Variants in LRRC40 observed in about 807,000 individuals in gnomAD.
LRRC40 encodes leucine rich repeat containing 40, also known as leucine-rich repeat-containing protein 40.
In LRRC40, 76 loss-of-function variants were observed where a neutral mutation model predicts 72.8. That is an observed-to-expected ratio of 1.04 (90% CI 0.87 to 1.26). The LOEUF is 1.26. Ranked by LOEUF, LRRC40 falls within the 50% of genes most tolerant of loss-of-function variation. The probability of loss-of-function intolerance (pLI) is 0.00; values close to 1 mark genes in which losing one functional copy is unlikely to be tolerated. For missense variants in LRRC40, 684 were observed against 698.9 expected, an observed-to-expected ratio of 0.98 and a Z score of 0.24; for synonymous variants, 243 against 254.2, an observed-to-expected ratio of 0.96 and a Z score of 0.42.
chr1:70,198,504 C>G (rs148894597), intron 1 of LRRC40, among the ~76,000 whole-genome samples: 62 of 152,158 alleles, frequency 4.1e-4, no homozygotes, highest in African/African-American at 1.5e-3. Context: ...TTATCTAGTC[C>G]GACGAAAAAG....
intron 9 of LRRC40, among the ~76,000 whole-genome samples, chr1:70,161,100 TTTTC>T (rs1325550364): frequency 6.6e-6 from 1 of 151,604 alleles, no homozygotes; most frequent in East Asian, 2.0e-4. Context: ...TTTTTTTTTT[TTTTC>T]TGAGAGGGAG....
chr1:70,174,273 G>T (rs963298472), intron 7 of LRRC40, among the ~76,000 whole-genome samples: 3 of 151,952 alleles, frequency 2.0e-5, no homozygotes, highest in African/African-American at 7.2e-5. Flanking sequence ...CAAGATTCTT[G>T]TTCTCAAGTC....
chr1:70,194,313 AT>A (rs1176678182), intron 1 of LRRC40, among the ~76,000 whole-genome samples: 4 of 152,076 alleles, frequency 2.6e-5, no homozygotes, highest in Non-Finnish European at 5.9e-5. Flanking sequence ...AAATAAAAAA[AT>A]GTTTAAATGT....
chr1:70,161,637 G>A (rs1051284542), intron 9 of LRRC40, among the ~76,000 whole-genome samples: 1 of 151,928 alleles, frequency 6.6e-6, no homozygotes, highest in African/African-American at 2.4e-5. Flanking sequence ...TTAGTTGAAC[G>A]AGTGTCACCT....
chr1:70,147,359 T>A (rs1667333391), intron 14 of LRRC40, among the ~76,000 whole-genome samples: 1 of 152,222 alleles, frequency 6.6e-6, no homozygotes, highest in African/African-American at 2.4e-5. Flanking sequence ...AAGTACTGTC[T>A]AGTCTTCCTA....
In LRRC40 at chr1:70,201,978, AAAAATAAAAT is replaced by A. The variant is rs376921368; in HGVS notation, c.151+3402_151+3411del. Reference sequence around the variant, plus strand: ...GGCAACAAGAGCAAAACTCCGTCTCAAAAATAAAATAAAATAAAATAAAATAACGAAATAC... The same window carrying A: ...GGCAACAAGAGCAAAACTCCGTCTCAAAAATAAAATAAAATAACGAAATAC... On this transcript the variant is annotated intron_variant, in intron 1 of 14. Coordinates refer to ENST00000370952, the MANE Select transcript of LRRC40 (RefSeq NM_017768.5). Among the ~76,000 whole-genome samples the A allele has an allele frequency of 6.6e-5, 10 of 152,292 alleles. No individual in the cohort carries two copies. The South Asian group carries it at 8.3e-4, about 13-fold the overall frequency.
intron 3 of LRRC40, among the ~76,000 whole-genome samples, chr1:70,186,453 T>C (rs1027781972): frequency 1.3e-5 from 2 of 152,212 alleles, no homozygotes; most frequent in Middle Eastern, 3.2e-3. Flanking sequence ...GGTAATTTTA[T>C]GTTTTCCACC....
At chr1:70,162,515 G>C (rs1667788027) in intron 9 of LRRC40, among the ~76,000 whole-genome samples, 1 of 152,134 alleles carries the variant, frequency 6.6e-6, no homozygotes, top group Non-Finnish European at 1.5e-5. Context: ...CTCCAGGTGA[G>C]GCCAATGGAC....
chr1:70,166,944 AG>A (rs1251363863), intron 9 of LRRC40, among the ~76,000 whole-genome samples: 1 of 152,128 alleles, frequency 6.6e-6, no homozygotes, highest in Admixed American at 6.5e-5. Context: ...AGAAAGAAAC[AG>A]GGAAAGAGAC....
intron 4 of LRRC40, among the ~76,000 whole-genome samples, chr1:70,184,531 A>G (rs1288078898): frequency 6.6e-6 from 1 of 152,002 alleles, no homozygotes; most frequent in Non-Finnish European, 1.5e-5. Flanking sequence ...AAGCCTCTGA[A>G]TAACAAAGTA....
intron 4 of LRRC40, among the ~76,000 whole-genome samples, chr1:70,181,817 T>C (rs1668253316): frequency 1.3e-5 from 2 of 152,124 alleles, no homozygotes; most frequent in South Asian, 4.1e-4. Context: ...ATACCTCCTG[T>C]TTCTTTAAAT....
At chr1:70,158,697 A>T (rs1428044854) in intron 10 of LRRC40, among the ~76,000 whole-genome samples, 1 of 152,122 alleles carries the variant, frequency 6.6e-6, no homozygotes, top group African/African-American at 2.4e-5. Context: ...ACATTATTTG[A>T]CTTGTGTTCA....
intron 12 of LRRC40, chr1:70,151,740 T>C (rs1667497946): frequency 6.6e-6 from 1 of 152,124 alleles, no homozygotes; most frequent in African/African-American, 2.4e-5. Flanking sequence ...ACTATTTTTT[T>C]TTTTTAGCTC....
chr1:70,178,468 A>C (rs1173308720), intron 6 of LRRC40, among the ~76,000 whole-genome samples: 1 of 152,198 alleles, frequency 6.6e-6, no homozygotes, highest in Non-Finnish European at 1.5e-5. Context: ...AATGTAATTC[A>C]TTTCAAACAT....
chr1:70,148,137 C>CAAAAAAAAAAAAAAAAAAAAAAAAAAA, intron 14 of LRRC40: 1 of 94,108 alleles, frequency 1.1e-5, no homozygotes, highest in Non-Finnish European at 2.2e-5. Flanking sequence ...CAATCAATTT[C>CAAAAAAAAAAAAAAAAAAAAAAAAAAA]AAAAAAAAAA....
Position 70,205,569 on chromosome 1 carries a change from G to GC in LRRC40, c.-30dup. ...CAAAGTCCTAGGTCCAGAAGCTGCA[G>GC]CCCCACCCGTGACGCTTAAAGGTGG... On this transcript the variant is annotated 5_prime_UTR_variant, in exon 1 of 15. Transcript: ENST00000370952. 2.6e-6 allele frequency: 4 copies of GC among 1,563,544 alleles called. No individual in the cohort carries two copies. Among genetic ancestry groups the GC allele is most frequent in the African/African-American group, 1.3e-5 (1 of 74,354 alleles).
chr1:70,150,119 A>G (rs1336783609), intron 13 of LRRC40, among the ~76,000 whole-genome samples: 1 of 152,046 alleles, frequency 6.6e-6, no homozygotes, highest in Non-Finnish European at 1.5e-5. Flanking sequence ...GAGTTTCACC[A>G]TATCGGCCAG....
intron 1 of LRRC40, among the ~76,000 whole-genome samples, chr1:70,190,625 T>C (rs1330779747): frequency 7.7e-6 from 1 of 130,258 alleles, no homozygotes; most frequent in African/African-American, 3.1e-5. Flanking sequence ...AGTAAGTAAC[T>C]GTGATCACGT....
chr1:70,150,179 A>G (rs1571430676), intron 13 of LRRC40, among the ~76,000 whole-genome samples: 1 of 152,118 alleles, frequency 6.6e-6, no homozygotes, highest in Non-Finnish European at 1.5e-5. Context: ...TCGGCCTTCC[A>G]AAGTGCTGGG....
Sources: gnomAD v4.1 joint callset for allele counts (sites outside exome capture counted in the v4.1 genomes callset) on GRCh38, gnomAD v4.1.1 for gene constraint, MANE v1.5 for transcripts, NCBI Gene and HGNC (gene_info 2026-07-23, HGNC 2026-07-21) for gene names.